ZBTB16: variants seen among roughly 807,000 people sequenced by gnomAD.
The protein encoded by ZBTB16 is zinc finger and BTB domain-containing protein 16.
Under a neutral mutation model 56.8 loss-of-function variants are expected in ZBTB16, and 8 were observed. That is an observed-to-expected ratio of 0.14 (90% CI 0.08 to 0.25). The LOEUF is 0.25. Among genes scored for constraint, ZBTB16 ranks in the 10% least tolerant of loss-of-function variants. ZBTB16 has a pLI of 1.00. For missense variants in ZBTB16, 625 were observed against 903.0 expected (o/e 0.69, Z 3.95); for synonymous variants, 363 against 368.5 (o/e 0.98, Z 0.17).
intron 4 of ZBTB16, among the ~76,000 whole-genome samples, chr11:114,196,053 T>C (rs894143840): frequency 1.3e-5 from 2 of 152,158 alleles, no homozygotes; most frequent in Non-Finnish European, 2.9e-5. Context: ...GGGAGCAGAT[T>C]TGGTAGATCT....
At chr11:114,158,024 C>T (rs1942471903) in intron 3 of ZBTB16, among the ~76,000 whole-genome samples, 1 of 152,252 alleles carries the variant, frequency 6.6e-6, no homozygotes, top group Admixed American at 6.5e-5. Context: ...GTTTTAGGGA[C>T]TTACACCTTG....
chr11:114,140,670 C>T (rs1308322211), intron 2 of ZBTB16, among the ~76,000 whole-genome samples: 1 of 152,138 alleles, frequency 6.6e-6, no homozygotes, highest in Non-Finnish European at 1.5e-5. Context: ...TTTTGAGTTC[C>T]CTGCTGTGGT....
chr11:114,190,299 T>A (rs1162749318), intron 4 of ZBTB16, among the ~76,000 whole-genome samples: 2 of 152,314 alleles, frequency 1.3e-5, no homozygotes, highest in East Asian at 3.9e-4. Flanking sequence ...TGTGTCCTGA[T>A]AAACCCATCA....
chr11:114,094,346 T>C (rs1237313703), intron 2 of ZBTB16, among the ~76,000 whole-genome samples: 1 of 152,162 alleles, frequency 6.6e-6, no homozygotes, highest in Non-Finnish European at 1.5e-5. Flanking sequence ...CATTAAAAAA[T>C]TGACTTTTTG....
chr11:114,063,587 C>T lies in ZBTB16; in HGVS notation c.287C>T (p.Ala96Val), dbSNP rs772215381. ...YAYTATLQAK[A>V]EDLDDLLYAA... ...TATACAGCCACGCTGCAAGCCAAGG[C>T]GGAGGACCTGGATGACCTGCTGTAT... The change falls in exon 2 of 7, where the codon GCG becomes GTG. Residue 96 changes from alanine to valine, a missense_variant. Transcript: ENST00000335953. This position sits in a 1 kb window ranked among gnomAD's most constrained non-coding sequence, Gnocchi z 6.5. 2.4e-5 allele frequency: 39 copies of T among 1,614,068 alleles called. No homozygotes were observed. Among genetic ancestry groups the T allele is most frequent in the Non-Finnish European group, 2.9e-5 (34 of 1,180,050 alleles).
chr11:114,151,183 T>G (rs1248705440), intron 2 of ZBTB16, among the ~76,000 whole-genome samples: 2 of 152,018 alleles, frequency 1.3e-5, no homozygotes, highest in Non-Finnish European at 2.9e-5. Context: ...AGCATCGGGG[T>G]GACTTTTGCA....
chr11:114,103,443 G>C, intron 2 of ZBTB16, among the ~76,000 whole-genome samples: 1 of 152,192 alleles, frequency 6.6e-6, no homozygotes, highest in East Asian at 1.9e-4. Flanking sequence ...TTGGACTAAA[G>C]AAGTTTTGGT....
At chr11:114,214,074 T>G (rs1944046429) in intron 4 of ZBTB16, among the ~76,000 whole-genome samples, 1 of 152,206 alleles carries the variant, frequency 6.6e-6, no homozygotes, top group Non-Finnish European at 1.5e-5. Context: ...AAAAGGTCAC[T>G]GTGTAATCAG....
chr11:114,123,523 A>G (rs949070170), intron 2 of ZBTB16, among the ~76,000 whole-genome samples: 1 of 152,138 alleles, frequency 6.6e-6, no homozygotes, highest in African/African-American at 2.4e-5. Flanking sequence ...ATATGTATGT[A>G]TGCACATGTC....
chr11:114,187,127 G>A, intron 4 of ZBTB16, 89 bp downstream of exon 4: 1 of 1,279,142 alleles, frequency 7.8e-7, no homozygotes. Flanking sequence ...CCTCTTTTTA[G>A]CAAATGTGAC....
chr11:114,239,589 A>G (rs376578938), intron 4 of ZBTB16, among the ~76,000 whole-genome samples: 1 of 152,164 alleles, frequency 6.6e-6, no homozygotes, highest in South Asian at 2.1e-4. Flanking sequence ...TACATCTCTC[A>G]TTATGTCTCC....
At chr11:114,231,039 C>T (rs1035255811) in intron 4 of ZBTB16, among the ~76,000 whole-genome samples, 1 of 152,166 alleles carries the variant, frequency 6.6e-6, no homozygotes, top group Non-Finnish European at 1.5e-5. Context: ...GCTGCAGTTT[C>T]TCTGCAGGGG....
intron 2 of ZBTB16, among the ~76,000 whole-genome samples, chr11:114,130,160 C>G (rs1941623283): frequency 6.6e-6 from 1 of 152,172 alleles, no homozygotes; most frequent in Non-Finnish European, 1.5e-5. Context: ...AAGGCACACT[C>G]TCTTTCTGGG....
In ZBTB16 at chr11:114,244,855, C is replaced by T. The variant is rs188386733; in HGVS notation, c.1625-2343C>T. Among the ~76,000 whole-genome samples the T allele has an allele frequency of 1.3e-5, 2 of 152,154 alleles. 1 individual carries two copies. Among genetic ancestry groups the T allele is most frequent in the Admixed American group, 1.3e-4 (2 of 15,276 alleles). On this transcript the variant is annotated intron_variant, in intron 5 of 6. Coordinates refer to ENST00000335953, the MANE Select transcript of ZBTB16 (RefSeq NM_006006.6). The stretch of plus-strand genomic sequence containing the variant: ...GCACAGGCAGCCGCCCCCTTCCCCC[C>T]CACCGCCGCCTTCACCCCCACCCGG...
At chr11:114,208,652 C>T (rs962015906) in intron 4 of ZBTB16, among the ~76,000 whole-genome samples, 4 of 152,204 alleles carry the variant, frequency 2.6e-5, no homozygotes, top group African/African-American at 9.6e-5. Context: ...CCTCCCATCC[C>T]AGCTTTTCTG....
chr11:114,199,794 C>T lies in ZBTB16; in HGVS notation c.1453+12756C>T, dbSNP rs541085009. On this transcript the variant is annotated intron_variant, in intron 4 of 6. Transcript: ENST00000335953. ...CTTAGTTTTTCACATTTGTAAACTA[C>T]GATTAATAATCATAATGGTTGCTGT... Among the ~76,000 whole-genome samples, 43 of 152,266 alleles carry T rather than the reference C, an allele frequency of 2.8e-4. No homozygotes were observed. In the South Asian group the frequency reaches 6.8e-3, roughly 24 times the overall value.
Position 114,254,934 on chromosome 11 carries a change from C to T in ZBTB16, c.*4379C>T, listed in dbSNP as rs755809444. Among the ~76,000 whole-genome samples, 12 of 152,128 alleles carry T rather than the reference C, an allele frequency of 7.9e-5. No homozygotes were observed. The highest frequency in any genetic ancestry group is 1.5e-4 in the Non-Finnish European group (10 of 68,024). ...AAAGAGGGGTGCAGGCCCTGCAGGCCGGTTAGCCAGCAGCTGCGGCCTCCC... is the reference window on the plus strand; with the variant it reads ...AAAGAGGGGTGCAGGCCCTGCAGGCTGGTTAGCCAGCAGCTGCGGCCTCCC... On this transcript the variant is annotated 3_prime_UTR_variant, in exon 7 of 7. Transcript: ENST00000335953.
At chr11:114,208,715 C>T (rs910704460) in intron 4 of ZBTB16, among the ~76,000 whole-genome samples, 36 of 152,148 alleles carry the variant, frequency 2.4e-4, no homozygotes, top group African/African-American at 8.7e-4. Context: ...TGCTTTCTCC[C>T]TGCACGTACC....
rs552160264 is a variant in ZBTB16, at chr11:114,075,960, T to C, written c.1268+11392T>C. ...TTGCAGAGAACAGCAGTGTCTGACC[T>C]CATTCTTGAGGGGAACTTTTCTGCC... On this transcript the variant is annotated intron_variant, in intron 2 of 6. Transcript: ENST00000335953. 2.6e-5 allele frequency among the ~76,000 whole-genome samples: 4 copies of C among 152,304 alleles called. No homozygotes were observed. The East Asian group carries it at 7.7e-4, about 29-fold the overall frequency.
Sources: gnomAD v4.1 joint callset for allele counts (sites outside exome capture counted in the v4.1 genomes callset) on GRCh38, gnomAD v4.1.1 for gene constraint, Gnocchi (gnomAD v3.1) non-coding constraint, MANE v1.5 for transcripts, NCBI Gene and HGNC (gene_info 2026-07-23, HGNC 2026-07-21) for gene names.